Variants in PCDH9 observed in about 807,000 individuals in gnomAD.
PCDH9 encodes protocadherin-9.
PCDH9 carries 24 observed loss-of-function variants against 70.6 expected under a neutral mutation model. The observed-to-expected ratio is 0.34, with a 90% CI of 0.25 to 0.48. The LOEUF (loss-of-function observed/expected upper bound fraction) is 0.48, where lower values mean the gene tolerates loss of function less well. Among genes scored for constraint, PCDH9 ranks in the 20% least tolerant of loss-of-function variants. PCDH9 has a pLI of 0.99. For synonymous variants in PCDH9, 562 were observed against 558.5 expected, an observed-to-expected ratio of 1.01 and a Z score of -0.09; for missense variants, 1,281 against 1,503.6, an observed-to-expected ratio of 0.85 and a Z score of 2.45.
At chr13:67,032,984 CT>C (rs11362830) in intron 2 of PCDH9, among the ~76,000 whole-genome samples, 43,227 of 149,846 alleles carry the variant, frequency 0.29, 6,950 homozygotes, top group African/African-American at 0.43. Context: ...CTAATTTGTC[CT>C]TTTTTTTTTC....
chr13:66,338,822 G>T (rs184780843), intron 4 of PCDH9, among the ~76,000 whole-genome samples: 1 of 151,490 alleles, frequency 6.6e-6, no homozygotes, highest in Non-Finnish European at 1.5e-5. Context: ...ACATGAAAAC[G>T]TTCTATCCTT....
intron 4 of PCDH9, among the ~76,000 whole-genome samples, chr13:66,374,424 A>G (rs1000587325): frequency 2.0e-5 from 3 of 151,994 alleles, no homozygotes; most frequent in African/African-American, 7.2e-5. Flanking sequence ...TGATTAGAGA[A>G]TTTTTGTTCA....
chr13:67,035,197 C>A (rs1265401044), intron 2 of PCDH9, among the ~76,000 whole-genome samples: 1 of 152,062 alleles, frequency 6.6e-6, no homozygotes, highest in East Asian at 1.9e-4. Context: ...CAGTGAAAGG[C>A]AAGTAAATAC....
At chr13:66,758,411 C>T (rs1320112819) in intron 3 of PCDH9, among the ~76,000 whole-genome samples, 1 of 151,978 alleles carries the variant, frequency 6.6e-6, no homozygotes, top group Non-Finnish European at 1.5e-5. Flanking sequence ...AGGAGATTAA[C>T]ATTTTTAAAA....
At chr13:66,860,074 T>G (rs1410558465) in intron 3 of PCDH9, among the ~76,000 whole-genome samples, 1 of 152,196 alleles carries the variant, frequency 6.6e-6, no homozygotes, top group Non-Finnish European at 1.5e-5. Context: ...CAATGTTATG[T>G]AAATGAAATG....
intron 4 of PCDH9, among the ~76,000 whole-genome samples, chr13:66,626,352 G>A (rs2077498897): frequency 6.6e-6 from 1 of 152,134 alleles, no homozygotes; most frequent in Non-Finnish European, 1.5e-5. Context: ...TAAAAGTAAT[G>A]ATCCATGCTG....
chr13:66,982,250 T>C (rs547703694), intron 2 of PCDH9, among the ~76,000 whole-genome samples: 5 of 152,192 alleles, frequency 3.3e-5, no homozygotes, highest in Admixed American at 6.5e-5. Context: ...TTGTACAGCC[T>C]GCAGTGAGTG....
At chr13:67,092,002 A>G (rs2086228013) in intron 2 of PCDH9, among the ~76,000 whole-genome samples, 1 of 152,164 alleles carries the variant, frequency 6.6e-6, no homozygotes, top group Non-Finnish European at 1.5e-5. Flanking sequence ...AATGTGTTAT[A>G]CTTATTCCTA....
chr13:66,896,021 T>C (rs2082172993), intron 3 of PCDH9, among the ~76,000 whole-genome samples: 1 of 152,158 alleles, frequency 6.6e-6, no homozygotes, highest in Admixed American at 6.5e-5. Flanking sequence ...ACAGCAAGGT[T>C]TGGTGCTGTC....
chr13:66,919,192 T>C (rs2082602247), intron 2 of PCDH9, among the ~76,000 whole-genome samples: 1 of 151,248 alleles, frequency 6.6e-6, no homozygotes, highest in African/African-American at 2.4e-5. Context: ...CTGCAATATA[T>C]ATCTAAGTGA....
chr13:66,534,631 C>A (rs1960611672), intron 4 of PCDH9, among the ~76,000 whole-genome samples: 1 of 152,100 alleles, frequency 6.6e-6, no homozygotes, highest in South Asian at 2.1e-4. Flanking sequence ...CAGTTCACAG[C>A]AGATGGCTTA....
chr13:66,593,388 G>C (rs904510087), intron 4 of PCDH9, among the ~76,000 whole-genome samples: 6 of 151,676 alleles, frequency 4.0e-5, no homozygotes, highest in African/African-American at 1.5e-4. Context: ...AGGAAAAGCA[G>C]ATATGGAATA....
intron 2 of PCDH9, among the ~76,000 whole-genome samples, chr13:67,031,441 A>G (rs2084904374): frequency 6.6e-6 from 1 of 152,174 alleles, no homozygotes; most frequent in African/African-American, 2.4e-5. Flanking sequence ...GAGGTGGTTC[A>G]TGTCTGTAAT....
intron 2 of PCDH9, among the ~76,000 whole-genome samples, chr13:66,964,659 A>T (rs947946772): frequency 6.6e-6 from 1 of 152,104 alleles, no homozygotes; most frequent in African/African-American, 2.4e-5. Context: ...TTTTTAATTA[A>T]GGAATTTTTT....
intron 3 of PCDH9, among the ~76,000 whole-genome samples, chr13:66,762,177 C>T (rs1308250714): frequency 6.6e-6 from 1 of 152,060 alleles, no homozygotes; most frequent in African/African-American, 2.4e-5. Context: ...TCCATGGCTG[C>T]TGAGGCTTTC....
intron 4 of PCDH9, among the ~76,000 whole-genome samples, chr13:66,625,144 T>A (rs2077482101): frequency 6.6e-6 from 1 of 152,204 alleles, no homozygotes; most frequent in Non-Finnish European, 1.5e-5. Flanking sequence ...ATGATAACTT[T>A]CTTTTAACAA....
At chr13:67,049,793 A>G (rs1243583243) in intron 2 of PCDH9, among the ~76,000 whole-genome samples, 2 of 152,206 alleles carry the variant, frequency 1.3e-5, no homozygotes, top group South Asian at 2.1e-4. Context: ...TAGGAAAATA[A>G]TATGTTCAGG....
chr13:67,161,536 T>G (rs930328112), intron 2 of PCDH9, among the ~76,000 whole-genome samples: 25 of 152,176 alleles, frequency 1.6e-4, no homozygotes, highest in African/African-American at 6.0e-4. Flanking sequence ...AGCCCTTACC[T>G]GATGGTAAGC....
intron 4 of PCDH9, among the ~76,000 whole-genome samples, chr13:66,497,509 A>T (rs1473525585): frequency 6.6e-6 from 1 of 152,194 alleles, no homozygotes; most frequent in African/African-American, 2.4e-5. Context: ...CACACAGTCA[A>T]TATAAATCTG....
Sources: allele counts gnomAD v4.1 joint callset (sites outside exome capture counted in the v4.1 genomes callset), GRCh38; gene constraint gnomAD v4.1.1; transcripts MANE v1.5; gene names NCBI Gene and HGNC (gene_info 2026-07-23, HGNC 2026-07-21).